The following TPST1 variants were observed in gnomAD, a reference collection of about 807,000 sequenced individuals.
TPST1 encodes protein-tyrosine sulfotransferase 1.
Under a neutral mutation model 34.8 loss-of-function variants are expected in TPST1, and 20 were observed. That is an observed-to-expected ratio of 0.57 (90% confidence interval 0.40 to 0.84). The LOEUF (loss-of-function observed/expected upper bound fraction) is 0.84, where lower values mean the gene tolerates loss of function less well. Ranked by LOEUF, TPST1 falls within the 40% of genes least tolerant of loss-of-function variation. The pLI is 0.00. For missense variants in TPST1, 353 were observed against 455.5 expected, an observed-to-expected ratio of 0.78 and a Z score of 2.05; for synonymous variants, 152 against 159.4, an observed-to-expected ratio of 0.95 and a Z score of 0.35.
intron 3 of TPST1, among the ~76,000 whole-genome samples, chr7:66,323,525 C>T (rs982439979): frequency 2.0e-5 from 3 of 152,108 alleles, no homozygotes; most frequent in African/African-American, 7.2e-5. Flanking sequence ...GATTATCTTA[C>T]ATTGAACCAC....
intron 3 of TPST1, among the ~76,000 whole-genome samples, chr7:66,339,001 G>A (rs939338900): frequency 6.7e-6 from 1 of 149,526 alleles, no homozygotes; most frequent in Non-Finnish European, 1.5e-5. Context: ...TAAAAGAGCA[G>A]AAGTAAATGA....
chr7:66,331,682 C>T (rs975527842), intron 3 of TPST1, among the ~76,000 whole-genome samples: 20 of 152,096 alleles, frequency 1.3e-4, no homozygotes, highest in African/African-American at 3.9e-4. Context: ...TAGAACTGTT[C>T]ATCTCTTTAC....
chr7:66,208,170 G>C (rs145198139), intron 1 of TPST1, among the ~76,000 whole-genome samples: 2 of 152,158 alleles, frequency 1.3e-5, no homozygotes, highest in African/African-American at 4.8e-5. Flanking sequence ...AGCATGTTGA[G>C]CCAGTCCTTC....
In TPST1 at chr7:66,222,280, G is replaced by A. The variant is rs1467831182; in HGVS notation, c.-102+16758G>A. ...GGCACCTGTAGTCCCAGCTACTGGG[G>A]AGGCTGAGGCAGGAGAATGGCATGA... On this transcript the variant is annotated intron_variant, in intron 1 of 5. Transcript: ENST00000304842. 2.0e-5 allele frequency among the ~76,000 whole-genome samples: 3 copies of A among 152,038 alleles called. No individual in the cohort carries two copies. In the East Asian group the frequency reaches 5.8e-4, roughly 29 times the overall value.
chr7:66,213,129 C>A (rs1477086369), intron 1 of TPST1, among the ~76,000 whole-genome samples: 2 of 152,138 alleles, frequency 1.3e-5, no homozygotes, highest in Non-Finnish European at 2.9e-5. Flanking sequence ...TCAGTCACTT[C>A]TTAGAATAAT....
intron 3 of TPST1, among the ~76,000 whole-genome samples, chr7:66,328,150 C>T (rs548821976): frequency 6.6e-5 from 10 of 150,678 alleles, no homozygotes; most frequent in African/African-American, 2.4e-4. Flanking sequence ...CCTCAGCCTC[C>T]TGAGTAGCTG....
intron 3 of TPST1, among the ~76,000 whole-genome samples, chr7:66,330,389 C>T (rs1054391874): frequency 6.6e-6 from 1 of 152,144 alleles, no homozygotes; most frequent in African/African-American, 2.4e-5. Flanking sequence ...AGAATTTTCA[C>T]ATCCACTTTC....
intron 3 of TPST1, among the ~76,000 whole-genome samples, chr7:66,296,855 G>A (rs1791212861): frequency 6.6e-6 from 1 of 152,106 alleles, no homozygotes; most frequent in Admixed American, 6.5e-5. Context: ...TCCCACCATA[G>A]TCTCTAATCC....
At chr7:66,209,754 G>C (rs899160329) in intron 1 of TPST1, among the ~76,000 whole-genome samples, 1 of 151,888 alleles carries the variant, frequency 6.6e-6, no homozygotes, top group African/African-American at 2.4e-5. Flanking sequence ...TTGAAATCAG[G>C]ATGGGTTTTG....
At chr7:66,237,620 G>C (rs1789936550) in intron 1 of TPST1, among the ~76,000 whole-genome samples, 1 of 152,158 alleles carries the variant, frequency 6.6e-6, no homozygotes, top group Non-Finnish European at 1.5e-5. Flanking sequence ...CCAGTAGTCA[G>C]GGTAAGGCAA....
In TPST1 at chr7:66,234,428, CACAG is replaced by C. The variant is rs774307702; in HGVS notation, c.-101-5893_-101-5890del. On this transcript the variant is annotated intron_variant, in intron 1 of 5. Transcript: ENST00000304842. The stretch of plus-strand genomic sequence containing the variant: ...ACACACACACACACACACACACACA[CACAG>C]ACACACACACACACACGGAAACCAT... 9.1e-3 allele frequency among the ~76,000 whole-genome samples: 1,366 copies of C among 150,514 alleles called. 13 individuals carry two copies. Among genetic ancestry groups the C allele is most frequent in the East Asian group, 0.039 (192 of 4,934 alleles).
intron 1 of TPST1, among the ~76,000 whole-genome samples, chr7:66,230,875 GAT>G (rs1025590131): frequency 6.6e-6 from 1 of 152,162 alleles, no homozygotes; most frequent in Non-Finnish European, 1.5e-5. Context: ...CCCTGAGCTA[GAT>G]ACAAAGGTTC....
At chr7:66,216,014 G>A (rs548495538) in intron 1 of TPST1, among the ~76,000 whole-genome samples, 69 of 151,990 alleles carry the variant, frequency 4.5e-4, no homozygotes, top group African/African-American at 1.5e-3. Flanking sequence ...CTTGTGATCC[G>A]CCCGCCTTGG....
intron 2 of TPST1, among the ~76,000 whole-genome samples, chr7:66,261,969 A>G (rs973652221): frequency 6.6e-6 from 1 of 152,136 alleles, no homozygotes; most frequent in Non-Finnish European, 1.5e-5. Flanking sequence ...ATGCCAGGAG[A>G]ACCATGTCTG....
rs753392545 is a variant in TPST1 at position 66,286,505 on chromosome 7, T to C, written c.846-6T>C. Reference sequence around the variant, plus strand: ...TAAATATTTATTCATATTATGTTGTTTTCAGAGTGGAGAGATCTACAGACC... The same window carrying C: ...TAAATATTTATTCATATTATGTTGTCTTCAGAGTGGAGAGATCTACAGACC... On this transcript the variant is annotated splice_region_variant and splice_polypyrimidine_tract_variant and intron_variant, in intron 2 of 5. Coordinates refer to ENST00000304842, the MANE Select transcript of TPST1 (RefSeq NM_003596.4). The C allele has an allele frequency of 1.1e-5, 18 of 1,565,310 alleles. No individual in the cohort carries two copies. The highest frequency in any genetic ancestry group is 1.6e-5 in the Non-Finnish European group (18 of 1,156,218).
chr7:66,356,586 G>T (rs928162641), intron 4 of TPST1, among the ~76,000 whole-genome samples: 2 of 152,102 alleles, frequency 1.3e-5, no homozygotes, highest in East Asian at 3.9e-4. Flanking sequence ...TGTGATCCAA[G>T]GGCATCAGAA....
At chr7:66,347,054 C>CTTTTTTT (rs1179080237) in intron 3 of TPST1, among the ~76,000 whole-genome samples, 1 of 54,842 alleles carries the variant, frequency 1.8e-5, no homozygotes, top group Non-Finnish European at 3.7e-5. Flanking sequence ...TTTTCCTTTG[C>CTTTTTTT]TTTTCTTTTT....
At chr7:66,299,653 C>A (rs1162763542) in intron 3 of TPST1, among the ~76,000 whole-genome samples, 1 of 152,022 alleles carries the variant, frequency 6.6e-6, no homozygotes, top group Non-Finnish European at 1.5e-5. Flanking sequence ...CCTTCTTTTT[C>A]TGTGTCCAGT....
chr7:66,260,287 G>A (rs1215255721), intron 2 of TPST1, among the ~76,000 whole-genome samples: 1 of 152,132 alleles, frequency 6.6e-6, no homozygotes, highest in Non-Finnish European at 1.5e-5. Context: ...ATAGCCTCAA[G>A]GTGATTTTAT....
Sources: allele counts gnomAD v4.1 joint callset (sites outside exome capture counted in the v4.1 genomes callset), GRCh38; gene constraint gnomAD v4.1.1; transcripts MANE v1.5; gene names NCBI Gene and HGNC (gene_info 2026-07-23, HGNC 2026-07-21).